The following TRDN variants were observed in gnomAD, a reference collection of about 807,000 sequenced individuals.
TRDN encodes triadin in skeletal muscle.
Under a neutral mutation model 149.7 loss-of-function variants are expected in TRDN, and 161 were observed. The observed-to-expected ratio is 1.08, with a 90% CI of 0.95 to 1.23. The LOEUF (loss-of-function observed/expected upper bound fraction) is 1.23. TRDN is among the 50% of genes most tolerant of loss of function. The probability of loss-of-function intolerance (pLI) is 0.00; values close to 1 mark genes in which losing one functional copy is unlikely to be tolerated. For missense variants in TRDN, 896 were observed against 823.5 expected (o/e 1.09, Z -1.08); for synonymous variants, 294 against 250.5 (o/e 1.17, Z -1.64).
At chr6:123,380,671 G>A (rs1169672903) in intron 16 of TRDN, among the ~76,000 whole-genome samples, 1 of 149,568 alleles carries the variant, frequency 6.7e-6, no homozygotes, top group Non-Finnish European at 1.5e-5. Flanking sequence ...CTATATTGCT[G>A]GTAATGTGCT....
intron 23 of TRDN, among the ~76,000 whole-genome samples, chr6:123,331,097 T>A (rs1481109864): frequency 1.3e-5 from 2 of 152,118 alleles, no homozygotes; most frequent in African/African-American, 4.8e-5. Context: ...ATTTTTAATA[T>A]TTACTTTGAC....
intron 9 of TRDN, among the ~76,000 whole-genome samples, chr6:123,487,716 C>T (rs1778034482): frequency 6.6e-6 from 1 of 152,088 alleles, no homozygotes; most frequent in African/African-American, 2.4e-5. Context: ...TCTTTTCAGT[C>T]TGATATCCTC....
At chr6:123,351,481 A>C (rs1390766105) in intron 21 of TRDN, 32 of 983,972 alleles carry the variant, frequency 3.3e-5, no homozygotes, top group Non-Finnish European at 3.7e-5. Context: ...CATCTACTGA[A>C]CTGTAAAATT....
At chr6:123,321,165 T>C (rs903393563) in intron 23 of TRDN, among the ~76,000 whole-genome samples, 3 of 152,124 alleles carry the variant, frequency 2.0e-5, no homozygotes, top group African/African-American at 4.8e-5. Context: ...CATCAGGCAA[T>C]TGTGTGACCT....
chr6:123,264,937 A>G (rs1210294692), intron 33 of TRDN, among the ~76,000 whole-genome samples: 1 of 152,050 alleles, frequency 6.6e-6, no homozygotes, highest in Admixed American at 6.6e-5. Context: ...CATAATCTTT[A>G]TGTGCACTGG....
rs188774879 is a variant in TRDN at position 123,322,797 on chromosome 6, C to T, written c.1472-6302G>A. Among the ~76,000 whole-genome samples the T allele has an allele frequency of 4.8e-3, 726 of 151,964 alleles. 9 individuals are homozygous for T. The highest frequency in any genetic ancestry group is 0.017 in the African/African-American group (685 of 41,456). On this transcript the variant is annotated intron_variant, in intron 23 of 40. Coordinates refer to ENST00000334268, the MANE Select transcript of TRDN (RefSeq NM_006073.4). ...CTGGGACTATAGGTGCCTACCACCA[C>T]GCCCAGCTAATTTTTGTATTTTTAG...
At chr6:123,233,305 C>T (rs1005690370) in intron 38 of TRDN, among the ~76,000 whole-genome samples, 4 of 151,956 alleles carry the variant, frequency 2.6e-5, no homozygotes, top group South Asian at 2.1e-4. Flanking sequence ...AAAGTAATAA[C>T]GAGTTTTAAA....
intron 1 of TRDN, among the ~76,000 whole-genome samples, chr6:123,578,189 T>G (rs1046444692): frequency 6.6e-6 from 1 of 152,120 alleles, no homozygotes; most frequent in African/African-American, 2.4e-5. Flanking sequence ...TTGGTATCTT[T>G]GTCATGAAAT....
intron 1 of TRDN, among the ~76,000 whole-genome samples, chr6:123,593,600 GCT>G (rs1783894004): frequency 6.6e-6 from 1 of 152,156 alleles, no homozygotes; most frequent in African/African-American, 2.4e-5. Context: ...CTTGTAGATG[GCT>G]GGCTTCATGT....
intron 12 of TRDN, among the ~76,000 whole-genome samples, chr6:123,424,787 G>A (rs1352441802): frequency 3.3e-5 from 5 of 152,132 alleles, no homozygotes; most frequent in Non-Finnish European, 7.4e-5. Flanking sequence ...CACCTTTGTG[G>A]AGACTTTAGA....
At chr6:123,423,122 T>G (rs1773980158) in intron 12 of TRDN, among the ~76,000 whole-genome samples, 1 of 152,136 alleles carries the variant, frequency 6.6e-6, no homozygotes, top group Non-Finnish European at 1.5e-5. Context: ...GTTGTTAATT[T>G]TATACTCCAG....
chr6:123,523,995 C>A (rs1779816222), intron 5 of TRDN, among the ~76,000 whole-genome samples: 1 of 152,100 alleles, frequency 6.6e-6, no homozygotes, highest in South Asian at 2.1e-4. Flanking sequence ...CTAACCCTGG[C>A]TACTCATTTG....
chr6:123,435,747 C>G (rs566376829), intron 12 of TRDN, among the ~76,000 whole-genome samples: 2 of 152,236 alleles, frequency 1.3e-5, no homozygotes, highest in African/African-American at 4.8e-5. Flanking sequence ...ATAGTCCTGC[C>G]TAGATGTGCT....
intron 4 of TRDN, among the ~76,000 whole-genome samples, chr6:123,543,905 C>T (rs1375623770): frequency 1.3e-5 from 2 of 151,564 alleles, no homozygotes; most frequent in Non-Finnish European, 2.9e-5. Context: ...AAAATTTTAC[C>T]CAAGAGCTAC....
chr6:123,221,898 C>T (rs1421469076), intron 39 of TRDN, among the ~76,000 whole-genome samples: 2 of 151,612 alleles, frequency 1.3e-5, no homozygotes, highest in Non-Finnish European at 3.0e-5. Flanking sequence ...TAAAGATGAA[C>T]ATTTTAGTCA....
intron 1 of TRDN, among the ~76,000 whole-genome samples, chr6:123,575,148 AT>A (rs1304916097): frequency 6.6e-6 from 1 of 151,836 alleles, no homozygotes; most frequent in East Asian, 1.9e-4. Flanking sequence ...CCACTTAAGA[AT>A]TAATCATGAC....
intron 10 of TRDN, among the ~76,000 whole-genome samples, chr6:123,443,365 C>T (rs1775060780): frequency 6.6e-6 from 1 of 151,414 alleles, no homozygotes; most frequent in Non-Finnish European, 1.5e-5. Context: ...CAGGGTAAAC[C>T]TTTCTGAATG....
chr6:123,378,423 G>A (rs1473383078), intron 16 of TRDN, among the ~76,000 whole-genome samples: 1 of 150,460 alleles, frequency 6.6e-6, no homozygotes, highest in Non-Finnish European at 1.5e-5. Context: ...GGGATTACAG[G>A]CACACACCAC....
chr6:123,504,181 T>C (rs1465661470), intron 7 of TRDN, among the ~76,000 whole-genome samples: 4 of 152,008 alleles, frequency 2.6e-5, no homozygotes, highest in Admixed American at 2.0e-4. Context: ...AAACACTATT[T>C]TTTAAGGCAA....
Sources: gnomAD v4.1 joint callset for allele counts (sites outside exome capture counted in the v4.1 genomes callset) on GRCh38, gnomAD v4.1.1 for gene constraint, MANE v1.5 for transcripts, NCBI Gene and HGNC (gene_info 2026-07-23, HGNC 2026-07-21) for gene names.